The following NEK11 variants were observed in gnomAD, a reference collection of about 807,000 sequenced individuals.
NEK11 encodes serine/threonine-protein kinase Nek11.
In NEK11, 72 loss-of-function variants were observed where a neutral mutation model predicts 80.7. The observed-to-expected ratio is 0.89, with a 90% confidence interval of 0.74 to 1.08. The LOEUF (loss-of-function observed/expected upper bound fraction) is 1.08, where lower values mean the gene tolerates loss of function less well. NEK11 is among the 50% of genes least tolerant of loss of function. The pLI is 0.00. For missense variants in NEK11, 764 were observed against 763.6 expected (o/e 1.00, Z -0.01); for synonymous variants, 251 against 260.7 (o/e 0.96, Z 0.36).
chr3:131,067,056 A>C (rs1010466618), intron 3 of NEK11, among the ~76,000 whole-genome samples: 1 of 152,180 alleles, frequency 6.6e-6, no homozygotes, highest in Non-Finnish European at 1.5e-5. Context: ...CATAATCATC[A>C]CCAGTATCAC....
At position 131,029,889 on chromosome 3, in the gene NEK11, A is replaced by G. The variant is rs9864242; in HGVS notation, c.170+11A>G. On this transcript the variant is annotated intron_variant, in intron 3 of 17. Coordinates refer to ENST00000383366, the MANE Select transcript of NEK11 (RefSeq NM_024800.5). Reference sequence around the variant, plus strand: ...ACGAGGAGAGGAATTGTAAGTAAAAATGCTTCCTATGAATCTTGAGTAGGC... The same window carrying G: ...ACGAGGAGAGGAATTGTAAGTAAAAGTGCTTCCTATGAATCTTGAGTAGGC... The G allele has an allele frequency of 0.39, 628,206 of 1,611,986 alleles. 128,319 individuals carry two copies. The highest frequency in any genetic ancestry group is 0.49 in the Middle Eastern group (2,944 of 6,054).
intron 17 of NEK11, among the ~76,000 whole-genome samples, chr3:131,285,281 G>C (rs1447128870): frequency 6.6e-6 from 1 of 151,546 alleles, no homozygotes; most frequent in Non-Finnish European, 1.5e-5. Context: ...GAAGGAAACA[G>C]GAGTGGGTAG....
chr3:131,219,344 G>A (rs2094943235), intron 14 of NEK11, among the ~76,000 whole-genome samples: 3 of 151,842 alleles, frequency 2.0e-5, no homozygotes, highest in African/African-American at 2.4e-5. Flanking sequence ...GTTGAACAAT[G>A]AGAACACATG....
intron 5 of NEK11, among the ~76,000 whole-genome samples, chr3:131,119,623 C>A (rs9874886): frequency 2.6e-5 from 4 of 152,042 alleles, no homozygotes; most frequent in African/African-American, 9.7e-5. Flanking sequence ...TTGTAGGTCT[C>A]TAAGGACTTG....
At chr3:131,332,668 C>G in intron 17 of NEK11, among the ~76,000 whole-genome samples, 1 of 152,228 alleles carries the variant, frequency 6.6e-6, no homozygotes, top group Non-Finnish European at 1.5e-5. Context: ...CAAAATACTC[C>G]GAGCTACAGG....
At chr3:131,266,548 A>G (rs565803739) in intron 16 of NEK11, among the ~76,000 whole-genome samples, 1 of 152,150 alleles carries the variant, frequency 6.6e-6, no homozygotes. Flanking sequence ...GTTCTAATTG[A>G]TTGCACTGTG....
chr3:131,220,887 T>C (rs1264197687), intron 14 of NEK11, among the ~76,000 whole-genome samples: 1 of 152,274 alleles, frequency 6.6e-6, no homozygotes, highest in East Asian at 1.9e-4. Context: ...GCCTGCAGGA[T>C]GTAACTGGAA....
intron 17 of NEK11, among the ~76,000 whole-genome samples, chr3:131,344,683 T>G (rs1048491304): frequency 2.0e-5 from 3 of 152,204 alleles, no homozygotes; most frequent in African/African-American, 7.2e-5. Context: ...CAACATCTGC[T>G]TGGCTTCTGG....
At chr3:131,260,756 G>A (rs2095903339) in intron 16 of NEK11, among the ~76,000 whole-genome samples, 1 of 152,104 alleles carries the variant, frequency 6.6e-6, no homozygotes, top group South Asian at 2.1e-4. Context: ...GGCAAAGAGT[G>A]GTATCAGTCA....
In NEK11 at chr3:131,273,477, G is replaced by T; in HGVS notation, c.1622-1G>T. On this transcript the variant is annotated splice_acceptor_variant, in intron 16 of 17. Coordinates refer to ENST00000383366, the MANE Select transcript of NEK11 (RefSeq NM_024800.5). LOFTEE classifies it high-confidence loss of function. Reference sequence around the variant, plus strand: ...AATAAGGGCTGTGCATTGATTTTCAGACACAAAGACCATCACCACCATGGC... The same window carrying T: ...AATAAGGGCTGTGCATTGATTTTCATACACAAAGACCATCACCACCATGGC... 1.9e-6 allele frequency: 3 copies of T among 1,613,358 alleles called. No individual in the cohort carries two copies. Among genetic ancestry groups the T allele is most frequent in the South Asian group, 1.1e-5 (1 of 91,042 alleles).
At chr3:131,145,367 G>A (rs2149734940) in intron 7 of NEK11, among the ~76,000 whole-genome samples, 1 of 152,144 alleles carries the variant, frequency 6.6e-6, no homozygotes. Flanking sequence ...CATCAAACCA[G>A]AAAGGTGATC....
At chr3:131,072,033 CTCT>C (rs1343911936) in intron 3 of NEK11, among the ~76,000 whole-genome samples, 6 of 152,164 alleles carry the variant, frequency 3.9e-5, no homozygotes, top group African/African-American at 4.8e-5. Flanking sequence ...TGATTCTAAT[CTCT>C]TCTTCTTTAA....
At chr3:131,078,630 A>T (rs1401461227) in intron 3 of NEK11, among the ~76,000 whole-genome samples, 1 of 152,194 alleles carries the variant, frequency 6.6e-6, no homozygotes, top group East Asian at 1.9e-4. Flanking sequence ...ATTGTAAAAC[A>T]GAGGGAGAGG....
intron 17 of NEK11, among the ~76,000 whole-genome samples, chr3:131,275,690 T>A (rs1209655583): frequency 1.3e-5 from 2 of 152,222 alleles, no homozygotes; most frequent in Non-Finnish European, 2.9e-5. Context: ...CTTTTGAGCA[T>A]GTTGTGTTTT....
intron 3 of NEK11, chr3:131,053,908 C>A (rs1368677443): frequency 6.6e-6 from 1 of 152,226 alleles, no homozygotes; most frequent in Non-Finnish European, 1.5e-5. Flanking sequence ...ACACAACTGA[C>A]AAGATTATTA....
At chr3:131,255,118 AAGAAAGAAAG>A (rs1292923880) in intron 16 of NEK11, among the ~76,000 whole-genome samples, 18 of 144,462 alleles carry the variant, frequency 1.2e-4, no homozygotes, top group African/African-American at 4.0e-4. Flanking sequence ...GAAAGAAAGA[AAGAAAGAAAG>A]AGAGAAAGAA....
chr3:131,308,350 T>G (rs1045743997), intron 17 of NEK11, among the ~76,000 whole-genome samples: 11 of 152,366 alleles, frequency 7.2e-5, no homozygotes, highest in Middle Eastern at 6.8e-3. Flanking sequence ...AATAAAACAG[T>G]TCTTAACTCA....
At chr3:131,323,541 C>A (rs2096920242) in intron 17 of NEK11, among the ~76,000 whole-genome samples, 1 of 152,140 alleles carries the variant, frequency 6.6e-6, no homozygotes. Context: ...ACATTTCCGG[C>A]CAGTGTTCTA....
At chr3:131,301,072 T>C (rs1581628900) in intron 17 of NEK11, among the ~76,000 whole-genome samples, 1 of 152,324 alleles carries the variant, frequency 6.6e-6, no homozygotes, top group East Asian at 1.9e-4. Context: ...TGTTTTGTAA[T>C]TCTCACTGTA....
Sources: gnomAD v4.1 joint callset for allele counts (sites outside exome capture counted in the v4.1 genomes callset) on GRCh38, gnomAD v4.1.1 for gene constraint, MANE v1.5 for transcripts, NCBI Gene and HGNC (gene_info 2026-07-23, HGNC 2026-07-21) for gene names.